Variants in PIK3R4 observed in about 807,000 individuals in gnomAD.
The protein encoded by PIK3R4 is phosphoinositide-3-kinase regulatory subunit 4.
In PIK3R4, 46 loss-of-function variants were observed where a neutral mutation model predicts 136.5. That is an observed-to-expected ratio of 0.34 (90% CI 0.27 to 0.43). The LOEUF (loss-of-function observed/expected upper bound fraction) is 0.43, where lower values mean the gene tolerates loss of function less well. PIK3R4 is among the 20% of genes least tolerant of loss of function. PIK3R4 has a pLI of 1.00. For synonymous variants in PIK3R4, 557 were observed against 566.7 expected, an observed-to-expected ratio of 0.98 and a Z score of 0.24; for missense variants, 1,331 against 1,649.5, an observed-to-expected ratio of 0.81 and a Z score of 3.35.
intron 2 of PIK3R4, among the ~76,000 whole-genome samples, chr3:130,743,769 T>C (rs2066837482): frequency 6.6e-6 from 1 of 152,246 alleles, no homozygotes; most frequent in South Asian, 2.1e-4. Flanking sequence ...AGTTTTCTCC[T>C]AACTTGTTTT....
rs1448135478 is a variant in PIK3R4 at position 130,728,629 on chromosome 3, G to A, written c.1641C>T (p.Asp547=). The change falls in exon 6 of 20, where the codon GAC becomes GAT. Residue 547 remains aspartate, a synonymous_variant. Transcript: ENST00000356763. The part of the protein sequence containing the change: ...VQQKVVTLLS[D]PENIVKQTLM... ...AGGTTTGTTTTACAATATTTTCAGG[G>A]TCACTTAGCAAAGTAACAACTTTCT... 5 of 1,607,254 alleles carry A rather than the reference G, an allele frequency of 3.1e-6. No homozygotes were observed. The highest frequency in any genetic ancestry group is 2.2e-5 in the East Asian group (1 of 44,526).
Position 130,707,138 on chromosome 3 carries a change from A to G in PIK3R4, c.2534-3T>C, listed in dbSNP as rs2306686. Reference sequence around the variant, plus strand: ...GTCTTGTTTTACATGTTTTCTGGCTATGAAAATATATTCAGAATAGTTAGT... The same window carrying G: ...GTCTTGTTTTACATGTTTTCTGGCTGTGAAAATATATTCAGAATAGTTAGT... On this transcript the variant is annotated splice_polypyrimidine_tract_variant and splice_region_variant and intron_variant, in intron 10 of 19. Transcript: ENST00000356763. 7.7e-3 allele frequency: 12,328 copies of G among 1,594,904 alleles called. 183 individuals carry two copies. The highest frequency in any genetic ancestry group is 0.063 in the East Asian group (2,778 of 44,436).
intron 7 of PIK3R4, among the ~76,000 whole-genome samples, chr3:130,719,587 ATTTTCCCT>A: frequency 6.6e-6 from 1 of 152,260 alleles, no homozygotes; most frequent in South Asian, 2.1e-4. Context: ...GACACTGGGT[ATTTTCCCT>A]GTGATAAGAG....
chr3:130,708,344 G>C lies in PIK3R4; in HGVS notation c.2480C>G (p.Thr827Ser), dbSNP rs1333899521. The change falls in exon 10 of 20, where the codon ACT becomes AGT. Residue 827 changes from threonine (T) to serine (S), a missense_variant. Physicochemically the swap from Thr to Ser is moderately conservative, Grantham distance 58. Coordinates refer to ENST00000356763, the MANE Select transcript of PIK3R4 (RefSeq NM_014602.3). ...TTTAACAAGATCAACTTGTCTCCCA[G>C]TTATGCCTAAAGCTGCCAAGTCAAT... ...GVIDLAALGI[T>S]GRQVDLVKTK... is the part of the protein sequence containing the mutation. The C allele has an allele frequency of 6.2e-7, 1 of 1,613,638 alleles. No individual in the cohort carries two copies. Among genetic ancestry groups the C allele is most frequent in the Non-Finnish European group, 8.5e-7 (1 of 1,179,760 alleles).
intron 13 of PIK3R4, among the ~76,000 whole-genome samples, chr3:130,692,715 C>T (rs2066525876): frequency 6.6e-6 from 1 of 152,096 alleles, no homozygotes; most frequent in Non-Finnish European, 1.5e-5. Context: ...CCCACAGGGG[C>T]CCCACAGGGG....
At chr3:130,693,782 A>G (rs2066532135) in intron 13 of PIK3R4, among the ~76,000 whole-genome samples, 1 of 152,114 alleles carries the variant, frequency 6.6e-6, no homozygotes, top group South Asian at 2.1e-4. Flanking sequence ...AACATTGATG[A>G]AGTCCCATTT....
chr3:130,724,061 A>T (rs1473622560), intron 6 of PIK3R4, among the ~76,000 whole-genome samples: 2 of 151,948 alleles, frequency 1.3e-5, no homozygotes, highest in African/African-American at 4.8e-5. Context: ...ATTCAAGGGC[A>T]AAAAAAAGCT....
intron 2 of PIK3R4, among the ~76,000 whole-genome samples, chr3:130,736,261 G>T (rs74468749): frequency 3.3e-5 from 5 of 152,000 alleles, no homozygotes; most frequent in African/African-American, 1.2e-4. Flanking sequence ...TAATTCCCCC[G>T]TTCTGTAATT....
chr3:130,693,765 G>A (rs1259304651), intron 13 of PIK3R4, among the ~76,000 whole-genome samples: 2 of 151,992 alleles, frequency 1.3e-5, no homozygotes, highest in African/African-American at 4.8e-5. Flanking sequence ...GAAGCACAAA[G>A]GTTTATAACA....
intron 9 of PIK3R4, among the ~76,000 whole-genome samples, chr3:130,712,008 T>A (rs2066635245): frequency 6.6e-6 from 1 of 152,224 alleles, no homozygotes; most frequent in Non-Finnish European, 1.5e-5. Flanking sequence ...TAGCACCTGA[T>A]TAAATGGATA....
At position 130,736,398 on chromosome 3, in the gene PIK3R4, G is replaced by A. The variant is rs142682386; in HGVS notation, c.734-396C>T. Among the ~76,000 whole-genome samples the A allele has an allele frequency of 9.0e-3, 1,364 of 152,042 alleles. 17 individuals carry two copies. Among genetic ancestry groups the A allele is most frequent in the East Asian group, 0.052 (269 of 5,162 alleles). On this transcript the variant is annotated intron_variant, in intron 2 of 19. Coordinates refer to ENST00000356763, the MANE Select transcript of PIK3R4 (RefSeq NM_014602.3). Reference sequence around the variant, plus strand: ...AGCCTGGTCAACATGATGAAAGCCCGTCTCTATCAAAAATACAAAAATTAG... The same window carrying A: ...AGCCTGGTCAACATGATGAAAGCCCATCTCTATCAAAAATACAAAAATTAG...
intron 4 of PIK3R4, among the ~76,000 whole-genome samples, chr3:130,730,937 C>T (rs1280782463): frequency 1.3e-5 from 2 of 152,196 alleles, no homozygotes; most frequent in Admixed American, 1.3e-4. Flanking sequence ...AAAGTCACAA[C>T]TGCCTCAAAG....
At chr3:130,733,504 T>A (rs761292002) in intron 4 of PIK3R4, 44 bp downstream of exon 4, 13 of 1,335,634 alleles carry the variant, frequency 9.7e-6, no homozygotes, top group Non-Finnish European at 1.1e-6. Context: ...GTCATTAACT[T>A]AAAAAATATC....
chr3:130,682,861 T>A (rs552641232), intron 16 of PIK3R4, among the ~76,000 whole-genome samples: 2 of 152,294 alleles, frequency 1.3e-5, no homozygotes, highest in Admixed American at 6.5e-5. Context: ...AGAAGGCCGG[T>A]CCCATAAAGT....
chr3:130,690,439 G>GTCTCCT lies in PIK3R4; in HGVS notation c.3263+50_3263+51insAGGAGA, dbSNP rs1423240389. On this transcript the variant is annotated intron_variant, in intron 14 of 19. Transcript: ENST00000356763. The stretch of plus-strand genomic sequence containing the variant: ...TTGCAGGGTAGAAAGGAGACTTAAG[G>GTCTCCT]TACTGTAGTGCACTAAATACAATGT... 6.8e-6 allele frequency: 9 copies of GTCTCCT among 1,324,822 alleles called. No individual in the cohort carries two copies. The Admixed American group carries it at 1.8e-4, about 26-fold the overall frequency. 82.1% of individuals were successfully genotyped at this position (1,324,822 alleles called of 1,614,324 possible).
chr3:130,705,678 T>G lies in PIK3R4; in HGVS notation c.2815A>C (p.Thr939Pro). 1 of 1,612,748 alleles carries G rather than the reference T, an allele frequency of 6.2e-7. No homozygotes were observed. The highest frequency in any genetic ancestry group is 8.5e-7 in the Non-Finnish European group (1 of 1,178,746). ...AGTTGCTGAAGTTCAGTTTTACAAG[T>G]TGTAATTCGAATCTGATAGGTGGAT... The part of the protein sequence containing the change: ...LPSTYQIRIT[T>P]CKTELQQLIQ... The change falls in exon 12 of 20, where the codon ACT (threonine) becomes CCT (proline). Residue 939 changes from threonine to proline, a missense_variant. Physicochemically the swap from Thr to Pro is conservative, Grantham distance 38. Around this residue, in one of 2 missense-constraint regions of PIK3R4, gnomAD observed 1,180 missense variants for 1,407.0 expected, o/e 0.84. Transcript: ENST00000356763.
chr3:130,711,866 A>C (rs2066634152), intron 9 of PIK3R4, among the ~76,000 whole-genome samples: 1 of 152,234 alleles, frequency 6.6e-6, no homozygotes. Flanking sequence ...TTAACATTGC[A>C]TTATATATCT....
chr3:130,743,506 C>A (rs1261727732), intron 2 of PIK3R4, among the ~76,000 whole-genome samples: 1 of 152,146 alleles, frequency 6.6e-6, no homozygotes, highest in Admixed American at 6.5e-5. Context: ...CTCAAACTTA[C>A]CATATCTTAA....
At chr3:130,696,244 A>AT (rs75569059) in intron 13 of PIK3R4, among the ~76,000 whole-genome samples, 99 of 145,524 alleles carry the variant, frequency 6.8e-4, no homozygotes, top group Middle Eastern at 3.8e-3. Flanking sequence ...ACTTTTGCTG[A>AT]TTTTTTTTTT....
Sources: gnomAD v4.1 joint callset for allele counts (sites outside exome capture counted in the v4.1 genomes callset) on GRCh38, gnomAD v4.1.1 for gene constraint, gnomAD v4.1.1 regional missense constraint, MANE v1.5 for transcripts, NCBI Gene and HGNC (gene_info 2026-07-23, HGNC 2026-07-21) for gene names.